PLA2G4A: variants seen among roughly 807,000 people sequenced by gnomAD.
PLA2G4A encodes phospholipase A2 group IVA.
Under a neutral mutation model 81.9 loss-of-function variants are expected in PLA2G4A, and 40 were observed. The ratio of observed to expected loss-of-function variants is 0.49; its 90% confidence interval spans 0.38 to 0.64. The LOEUF (loss-of-function observed/expected upper bound fraction) is 0.64, where lower values mean the gene tolerates loss of function less well. PLA2G4A is among the 30% of genes least tolerant of loss of function. The pLI, the probability that PLA2G4A is intolerant of heterozygous loss-of-function variation, is 0.00. For synonymous variants in PLA2G4A, 302 were observed against 296.9 expected, an observed-to-expected ratio of 1.02 and a Z score of -0.18; for missense variants, 715 against 905.1, an observed-to-expected ratio of 0.79 and a Z score of 2.69.
In PLA2G4A at chr1:186,961,701, A is replaced by G. The variant is rs537369698; in HGVS notation, c.1580-3708A>G. Among the ~76,000 whole-genome samples the G allele has an allele frequency of 8.5e-4, 130 of 152,266 alleles. 1 individual carries two copies. Among genetic ancestry groups the G allele is most frequent in the Non-Finnish European group, 1.7e-3 (119 of 68,014 alleles). ...GGCAAACCAAACAGAATATGAGAGAAATCATGTTTTTGGTTACACTTTCAG... is the reference window on the plus strand; with the variant it reads ...GGCAAACCAAACAGAATATGAGAGAGATCATGTTTTTGGTTACACTTTCAG... On this transcript the variant is annotated intron_variant, in intron 14 of 17. Coordinates refer to ENST00000367466, the MANE Select transcript of PLA2G4A (RefSeq NM_024420.3).
intron 6 of PLA2G4A, among the ~76,000 whole-genome samples, chr1:186,907,715 G>GCATGATTTGGCAAATGCATTTTCACA (rs1421721922): frequency 2.0e-5 from 3 of 152,138 alleles, no homozygotes; most frequent in African/African-American, 7.2e-5. Flanking sequence ...TTCACATCTG[G>GCATGATTTGGCAAATGCATTTTCACA]TGATTTGGCA....
intron 10 of PLA2G4A, 69 bp downstream of exon 10, chr1:186,940,163 G>A: frequency 1.2e-6 from 1 of 858,498 alleles, no homozygotes. Flanking sequence ...GTTTTCCTTA[G>A]AGGAAGGTCA....
rs910889956 is a variant in PLA2G4A at position 186,898,705 on chromosome 1, T to C, written c.378+4494T>C. ...TGAAAGATTTATACAGTGAACATCA[T>C]ATAACTGCCACCTAGATTCTATAAC... On this transcript the variant is annotated intron_variant, in intron 5 of 17. Coordinates refer to ENST00000367466, the MANE Select transcript of PLA2G4A (RefSeq NM_024420.3). 3.9e-5 allele frequency among the ~76,000 whole-genome samples: 6 copies of C among 152,304 alleles called. No individual in the cohort carries two copies. In the East Asian group the frequency reaches 1.2e-3, roughly 29 times the overall value.
chr1:186,846,089 G>C lies in PLA2G4A; in HGVS notation c.-69-8197G>C, dbSNP rs1454582397. On this transcript the variant is annotated intron_variant, in intron 1 of 17. Coordinates refer to ENST00000367466, the MANE Select transcript of PLA2G4A (RefSeq NM_024420.3). ...TTCATGAGAGTGGTTGTGCCAACTA[G>C]TTGCAGTAAGGTTTCCAGAACTGAG... Among the ~76,000 whole-genome samples the C allele has an allele frequency of 2.0e-5, 3 of 152,208 alleles. No homozygotes were observed. In the East Asian group the frequency reaches 5.8e-4, roughly 29 times the overall value.
At chr1:186,957,208 G>T (rs1004701869) in intron 14 of PLA2G4A, among the ~76,000 whole-genome samples, 1 of 152,112 alleles carries the variant, frequency 6.6e-6, no homozygotes, top group African/African-American at 2.4e-5. Flanking sequence ...CTCTGTACTG[G>T]TCACAGTTCA....
At chr1:186,904,242 G>A (rs565579259) in intron 5 of PLA2G4A, among the ~76,000 whole-genome samples, 13 of 152,284 alleles carry the variant, frequency 8.5e-5, no homozygotes, top group African/African-American at 3.1e-4. Context: ...TCCTAAAAAA[G>A]GTGGAGTTCT....
At chr1:186,843,243 G>A (rs147247895) in intron 1 of PLA2G4A, among the ~76,000 whole-genome samples, 1 of 152,114 alleles carries the variant, frequency 6.6e-6, no homozygotes, top group East Asian at 1.9e-4. Context: ...CTTGTACTTG[G>A]GAAATGTTTA....
chr1:186,921,696 G>A (rs188563234), intron 7 of PLA2G4A, among the ~76,000 whole-genome samples: 177 of 152,120 alleles, frequency 1.2e-3, no homozygotes, highest in African/African-American at 3.2e-3. Context: ...GATAAGGAGG[G>A]GGTACTGCTG....
intron 17 of PLA2G4A, among the ~76,000 whole-genome samples, chr1:186,982,930 C>A (rs1372487239): frequency 1.3e-5 from 2 of 151,540 alleles, no homozygotes; most frequent in African/African-American, 2.4e-5. Flanking sequence ...TACAAAAAAG[C>A]AAAATTAGCT....
At chr1:186,880,687 G>C (rs1252776053) in intron 3 of PLA2G4A, among the ~76,000 whole-genome samples, 1 of 151,882 alleles carries the variant, frequency 6.6e-6, no homozygotes, top group African/African-American at 2.4e-5. Context: ...AATCCATATA[G>C]CTAAAATGAA....
intron 15 of PLA2G4A, among the ~76,000 whole-genome samples, chr1:186,974,895 A>G (rs1657478562): frequency 6.6e-6 from 1 of 152,192 alleles, no homozygotes; most frequent in Admixed American, 6.5e-5. Flanking sequence ...CCACATCAGG[A>G]TCACATAAGG....
At chr1:186,959,175 C>T (rs2102262993) in intron 14 of PLA2G4A, among the ~76,000 whole-genome samples, 1 of 146,574 alleles carries the variant, frequency 6.8e-6, no homozygotes, top group South Asian at 2.2e-4. Context: ...GCACTCCAGC[C>T]TGGGCAACAG....
chr1:186,915,993 C>T (rs181770743), intron 7 of PLA2G4A, among the ~76,000 whole-genome samples: 69 of 152,184 alleles, frequency 4.5e-4, no homozygotes, highest in African/African-American at 1.5e-3. Context: ...CTTTCCATGG[C>T]CATTGATATC....
At chr1:186,831,843 G>A (rs1050867868) in intron 1 of PLA2G4A, among the ~76,000 whole-genome samples, 7 of 152,064 alleles carry the variant, frequency 4.6e-5, no homozygotes, top group African/African-American at 1.7e-4. Context: ...ATGTTTATAT[G>A]TCTAGATATG....
intron 4 of PLA2G4A, 148 bp from the exon 5 acceptor site, chr1:186,893,950 T>G: frequency 1.6e-6 from 1 of 614,086 alleles, no homozygotes; most frequent in Non-Finnish European, 2.9e-6. Context: ...AAGATAAAAG[T>G]ATTGTTACTA....
At chr1:186,832,381 G>T (rs769485605) in intron 1 of PLA2G4A, among the ~76,000 whole-genome samples, 1 of 151,966 alleles carries the variant, frequency 6.6e-6, no homozygotes, top group Non-Finnish European at 1.5e-5. Context: ...CTTCTCAATT[G>T]TAAAATAGAA....
At chr1:186,832,287 T>C (rs938120091) in intron 1 of PLA2G4A, among the ~76,000 whole-genome samples, 3 of 152,128 alleles carry the variant, frequency 2.0e-5, no homozygotes, top group African/African-American at 7.2e-5. Flanking sequence ...TTCTTAAAGT[T>C]TATTTTCTAG....
chr1:186,933,827 C>T (rs1049160326), intron 8 of PLA2G4A, among the ~76,000 whole-genome samples: 4 of 152,146 alleles, frequency 2.6e-5, no homozygotes, highest in African/African-American at 9.7e-5. Context: ...ACTAGTAGAG[C>T]TAGCATATAA....
At chr1:186,878,896 G>A (rs2223308) in intron 3 of PLA2G4A, among the ~76,000 whole-genome samples, 19,132 of 151,806 alleles carry the variant, frequency 0.13, 1,833 homozygotes, top group East Asian at 0.46. Flanking sequence ...GAGACTAAAT[G>A]TTTCTTAAAT....
Sources: allele counts gnomAD v4.1 joint callset (sites outside exome capture counted in the v4.1 genomes callset), GRCh38; gene constraint gnomAD v4.1.1; transcripts MANE v1.5; gene names NCBI Gene and HGNC (gene_info 2026-07-23, HGNC 2026-07-21).